The following IFT74 variants were observed in gnomAD, a reference collection of about 807,000 sequenced individuals.
The protein encoded by IFT74 is intraflagellar transport protein 74 homolog.
Under a neutral mutation model 96.7 loss-of-function variants are expected in IFT74, and 92 were observed. The observed-to-expected ratio is 0.95, with a 90% CI of 0.80 to 1.13. IFT74 has a LOEUF of 1.13. Ranked by LOEUF, IFT74 falls within the 50% of genes most tolerant of loss-of-function variation. The pLI, the probability that IFT74 is intolerant of heterozygous loss-of-function variation, is 0.00. For missense variants in IFT74, 811 were observed against 698.2 expected, an observed-to-expected ratio of 1.16 and a Z score of -1.82; for synonymous variants, 223 against 213.2, an observed-to-expected ratio of 1.05 and a Z score of -0.40.
At chr9:26,947,138 A>T in exon 1 of IFT74, 1 of 1,368,746 alleles carries the variant, frequency 7.3e-7, no homozygotes, top group Non-Finnish European at 9.5e-7. Flanking sequence ...GCGGGAGAAG[A>T]GCCTGCAGGT....
intron 2 of IFT74, among the ~76,000 whole-genome samples, chr9:26,976,988 C>A (rs1172253790): frequency 6.6e-6 from 1 of 152,000 alleles, no homozygotes; most frequent in East Asian, 1.9e-4. Flanking sequence ...TTAAAGTTTT[C>A]TTATTTTTTC....
At chr9:27,052,302 G>A (rs574711328) in intron 16 of IFT74, among the ~76,000 whole-genome samples, 124 of 152,158 alleles carry the variant, frequency 8.1e-4, no homozygotes, top group South Asian at 5.0e-3. Context: ...CTGAGGTCAC[G>A]AGTTCAAGAG....
chr9:26,983,100 GTTTTC>G (rs1827459774), intron 4 of IFT74, among the ~76,000 whole-genome samples: 1 of 152,100 alleles, frequency 6.6e-6, no homozygotes, highest in East Asian at 1.9e-4. Context: ...TGAAAGCCCT[GTTTTC>G]TTTTATTTCT....
intron 13 of IFT74, among the ~76,000 whole-genome samples, chr9:27,035,334 T>TCC (rs1819122970): frequency 6.6e-6 from 1 of 152,250 alleles, no homozygotes; most frequent in African/African-American, 2.4e-5. Context: ...ATGGCATCTA[T>TCC]CCATTACTAT....
intron 1 of IFT74, among the ~76,000 whole-genome samples, chr9:26,948,672 G>A (rs1342103949): frequency 6.6e-6 from 1 of 151,542 alleles, no homozygotes; most frequent in Non-Finnish European, 1.5e-5. Flanking sequence ...CACCATGTTG[G>A]CCAGGATAGT....
At chr9:27,006,811 T>G (rs868739095) in intron 8 of IFT74, among the ~76,000 whole-genome samples, 5 of 151,486 alleles carry the variant, frequency 3.3e-5, no homozygotes, top group African/African-American at 1.2e-4. Flanking sequence ...TTCAACGTTT[T>G]TGTTTACTTA....
At chr9:26,967,067 GT>G (rs1003920899) in intron 2 of IFT74, among the ~76,000 whole-genome samples, 4 of 149,810 alleles carry the variant, frequency 2.7e-5, no homozygotes, top group African/African-American at 7.3e-5. Flanking sequence ...TTCAGGATGG[GT>G]TTGGCTATCC....
At position 27,018,649 on chromosome 9, in the gene IFT74, TA is replaced by T; in HGVS notation, c.939del (p.Asp314MetfsTer6). 1 of 1,507,482 alleles carries T rather than the reference TA, an allele frequency of 6.6e-7. No homozygotes were observed. Among genetic ancestry groups the T allele is most frequent in the South Asian group, 1.2e-5 (1 of 80,668 alleles). The allele number at this position is 1,507,482 out of a possible 1,614,324, so 93.4% of individuals were successfully genotyped here. Reference protein sequence around the residue: ...EEREKLLKQIKDDNQEIASME... With the variant: ...EEREKLLKQIXDDNQEIASME... ...ACTTTCTTTTTATGCCTTTGTAGATTAAAGATGATAATCAGGAAATAGCCAG... is the reference window on the plus strand; with the variant it reads ...ACTTTCTTTTTATGCCTTTGTAGATTAAGATGATAATCAGGAAATAGCCAG... On this transcript the variant is annotated frameshift_variant, in exon 12 of 20. Coordinates refer to ENST00000380062, the MANE Select transcript of IFT74 (RefSeq NM_025103.4). LOFTEE classifies it high-confidence loss of function.
intron 13 of IFT74, among the ~76,000 whole-genome samples, chr9:27,031,461 C>T (rs140605479): frequency 2.0e-5 from 3 of 150,180 alleles, no homozygotes; most frequent in Non-Finnish European, 3.0e-5. Context: ...AGCGAGACTC[C>T]GTCTTAAAAA....
At chr9:26,948,711 T>G (rs1825840569) in intron 1 of IFT74, among the ~76,000 whole-genome samples, 1 of 151,982 alleles carries the variant, frequency 6.6e-6, no homozygotes, top group African/African-American at 2.4e-5. Context: ...TAATCTGCCC[T>G]CCTCTGCCTT....
At chr9:27,000,245 T>C (rs185173898) in intron 8 of IFT74, among the ~76,000 whole-genome samples, 4 of 152,322 alleles carry the variant, frequency 2.6e-5, no homozygotes, top group Admixed American at 6.5e-5. Context: ...TGTGTCTCAT[T>C]AGTTTCTAGA....
intron 18 of IFT74, among the ~76,000 whole-genome samples, chr9:27,057,209 A>T (rs1420973430): frequency 6.6e-6 from 1 of 152,154 alleles, no homozygotes; most frequent in Non-Finnish European, 1.5e-5. Context: ...GTATCCTTGA[A>T]CTTCTTAATT....
intron 1 of IFT74, among the ~76,000 whole-genome samples, chr9:26,948,690 T>C (rs1270458813): frequency 1.3e-5 from 2 of 152,024 alleles, no homozygotes; most frequent in African/African-American, 2.4e-5. Flanking sequence ...AGTCTCAATC[T>C]CTTGACCTCA....
intron 14 of IFT74, 63 bp from the exon 15 acceptor site, chr9:27,047,211 A>G: frequency 1.0e-6 from 1 of 964,980 alleles, no homozygotes; most frequent in Admixed American, 2.3e-5. Context: ...AGAACTGCAA[A>G]TCAGAGTTTA....
chr9:27,053,199 C>G (rs1316482383), intron 16 of IFT74, among the ~76,000 whole-genome samples: 5 of 122,104 alleles, frequency 4.1e-5, no homozygotes, highest in African/African-American at 1.6e-4. Flanking sequence ...ATGGAGCAAT[C>G]ACTTCTTGGG....
At chr9:27,005,251 TG>T (rs1828706223) in intron 8 of IFT74, among the ~76,000 whole-genome samples, 1 of 151,920 alleles carries the variant, frequency 6.6e-6, no homozygotes, top group Non-Finnish European at 1.5e-5. Flanking sequence ...TTTTTTATCT[TG>T]CCAATTGGCT....
At chr9:27,058,055 T>C (rs1377400625) in intron 18 of IFT74, among the ~76,000 whole-genome samples, 1 of 152,050 alleles carries the variant, frequency 6.6e-6, no homozygotes, top group East Asian at 1.9e-4. Context: ...ATGCTATTCA[T>C]ACAGTCTTTC....
intron 2 of IFT74, 49 bp from the exon 3 acceptor site, chr9:26,978,079 A>G: frequency 6.7e-7 from 1 of 1,495,060 alleles, no homozygotes; most frequent in Non-Finnish European, 9.0e-7. Context: ...TAAAAGATGT[A>G]CAGTGTTTTT....
In IFT74 at chr9:27,062,997, C is replaced by T. The variant is rs1005450167; in HGVS notation, c.*261C>T. ...AAGAGATAAAGAAACTAAAAGTGAC[C>T]GTTGAAATTTATTTAGCTGGTATAA... On this transcript the variant is annotated 3_prime_UTR_variant, in exon 20 of 20. Coordinates refer to ENST00000380062, the MANE Select transcript of IFT74 (RefSeq NM_025103.4). 4.6e-5 allele frequency: 16 copies of T among 344,974 alleles called. No individual in the cohort carries two copies. The highest frequency in any genetic ancestry group is 1.1e-4 in the African/African-American group (5 of 45,706). 21.4% of individuals were successfully genotyped at this position (344,974 alleles called of 1,614,324 possible).
Sources: allele counts gnomAD v4.1 joint callset (sites outside exome capture counted in the v4.1 genomes callset), GRCh38; gene constraint gnomAD v4.1.1; transcripts MANE v1.5; gene names NCBI Gene and HGNC (gene_info 2026-07-23, HGNC 2026-07-21).